The following KCNH6 variants were observed in gnomAD, a reference collection of about 807,000 sequenced individuals.
KCNH6 encodes the protein potassium voltage-gated channel subfamily H member 6, also known as voltage-gated inwardly rectifying potassium channel KCNH6.
A neutral mutation model predicts 83.4 loss-of-function variants in KCNH6; 81 were observed. The ratio of observed to expected loss-of-function variants is 0.97; its 90% CI spans 0.81 to 1.17. The LOEUF is 1.17. KCNH6 is among the 50% of genes most tolerant of loss of function. KCNH6 has a pLI of 0.00. For missense variants in KCNH6, 1,203 were observed against 1,290.5 expected (o/e 0.93, Z 1.04); for synonymous variants, 503 against 545.6 (o/e 0.92, Z 1.09).
downstream of KCNH6, among the ~76,000 whole-genome samples, chr17:63,548,308 T>C (rs1456572572): frequency 1.3e-5 from 2 of 152,010 alleles, 1 homozygote. Context: ...ATGCCTATAA[T>C]CCCAGCATTT....
chr17:63,523,374 A>G lies in KCNH6; in HGVS notation c.-40A>G. On this transcript the variant is annotated 5_prime_UTR_variant, in exon 1 of 13. Transcript: ENST00000314672. The surrounding 1 kb of genome is among the most constrained non-coding windows in gnomAD (Gnocchi z 4.2). ...AGGACAGACGGAGACGCCGGGAGCC[A>G]GTGGCGCCTGTGGCTCCGGGCAGGG... 1 of 1,554,190 alleles carries G rather than the reference A, an allele frequency of 6.4e-7. No individual in the cohort carries two copies. The highest frequency in any genetic ancestry group is 8.7e-7 in the Non-Finnish European group (1 of 1,151,998).
At position 63,533,826 on chromosome 17, in the gene KCNH6, A is replaced by G. The variant is rs2032278981; in HGVS notation, c.676-60A>G. ...CACCTTCCCCAGGCCTCAGCCCTCT[A>G]GGCCAGTCTCACCAGCAGTGGCTGC... is the stretch of plus-strand genomic sequence containing the variant. On this transcript the variant is annotated intron_variant, in intron 4 of 12. Coordinates refer to ENST00000314672, the MANE Select transcript of KCNH6 (RefSeq NM_001278919.2). The surrounding 1 kb of genome is among the most constrained non-coding windows in gnomAD (Gnocchi z 4.1). 1.3e-6 allele frequency: 2 copies of G among 1,524,520 alleles called. No individual in the cohort carries two copies. Among genetic ancestry groups the G allele is most frequent in the Non-Finnish European group, 1.8e-6 (2 of 1,120,946 alleles). 94.4% of individuals were successfully genotyped at this position (1,524,520 alleles called of 1,614,324 possible). A position where few individuals can be genotyped will look rare whatever the true frequency, so the allele number is the denominator to read the frequency against.
chr17:63,544,076 C>A, intron 10 of KCNH6, 173 bp from the exon 11 acceptor site: 1 of 1,608,638 alleles, frequency 6.2e-7, no homozygotes, highest in Non-Finnish European at 8.5e-7. Flanking sequence ...GTCCTGGGAG[C>A]CAGAACTCCA....
At chr17:63,542,170 A>G (rs2032898462) in intron 8 of KCNH6, 71 bp from the exon 9 acceptor site, 2 of 1,528,080 alleles carry the variant, frequency 1.3e-6, no homozygotes, top group African/African-American at 2.7e-5. Flanking sequence ...GGGGGAGGTC[A>G]CGGTCAAAGG....
chr17:63,544,059 C>A (rs143048027), intron 10 of KCNH6, 190 bp from the exon 11 acceptor site: 38,156 of 1,605,530 alleles, frequency 0.024, 598 homozygotes, highest in Non-Finnish European at 0.029. Context: ...GGGCTACAGC[C>A]TCCTGGGTCC....
Position 63,538,424 on chromosome 17 carries a change from C to A in KCNH6, c.1716C>A (p.Phe572Leu). The A allele has an allele frequency of 6.2e-7, 1 of 1,600,178 alleles. No homozygotes were observed. The highest frequency in any genetic ancestry group is 8.5e-7 in the Non-Finnish European group (1 of 1,174,394). Residue 572 changes from phenylalanine (F) to leucine (L), a missense_variant, in exon 8 of 13, where the codon TTC (phenylalanine) becomes TTA (leucine). By Grantham distance (22) the Phe-to-Leu change is conservative. Transcript: ENST00000314672. The surrounding 1 kb of genome is among the most constrained non-coding windows in gnomAD (Gnocchi z 4.0). ...CCGCCTTGCAGGTGCTGAAGGGCTTCCCCGAGTGCCTGCAGGCTGACATCT... is the reference window on the plus strand; with the variant it reads ...CCGCCTTGCAGGTGCTGAAGGGCTTACCCGAGTGCCTGCAGGCTGACATCT... ...GIDMNAVLKG[F>L]PECLQADICL...
intron 6 of KCNH6, among the ~76,000 whole-genome samples, chr17:63,536,415 G>T (rs1305184188): frequency 6.6e-6 from 1 of 152,202 alleles, no homozygotes; most frequent in Admixed American, 6.5e-5. Context: ...CACCAAGGTG[G>T]GTGGGTCACC....
chr17:63,538,568 G>A lies in KCNH6; in HGVS notation c.1860G>A (p.Thr620=). The A allele has an allele frequency of 6.2e-7, 1 of 1,612,900 alleles. No individual in the cohort carries two copies. The highest frequency in any genetic ancestry group is 8.5e-7 in the Non-Finnish European group (1 of 1,179,622). ...CCACCCACGCGCCGCCTGGGGACAC[G>A]CTGGTGCACCTCGGCGACGTGCTCT... The part of the protein sequence containing the change: ...FKTTHAPPGD[T]LVHLGDVLST... The change falls in exon 8 of 13, where the codon ACG becomes ACA. Residue 620 remains threonine, a synonymous_variant. Transcript: ENST00000314672. This position sits in a 1 kb window ranked among gnomAD's most constrained non-coding sequence, Gnocchi z 4.0.
chr17:63,529,559 G>A (rs2031942037), intron 2 of KCNH6, among the ~76,000 whole-genome samples: 1 of 152,188 alleles, frequency 6.6e-6, no homozygotes, highest in African/African-American at 2.4e-5. Context: ...TGCAGAATGG[G>A]GGTCCATGCC....
intron 8 of KCNH6, among the ~76,000 whole-genome samples, chr17:63,539,601 A>G (rs555309185): frequency 6.6e-6 from 1 of 152,182 alleles, no homozygotes; most frequent in African/African-American, 2.4e-5. Context: ...CATCCCCATC[A>G]CTGTGAAGCA....
Position 63,534,443 on chromosome 17 carries a change from G to A in KCNH6, c.1101+132G>A. ...ACCTTTGCTGAAGCACGTGGAGGTGGAGAGGAGGCCCCAAACATCTGTCAC... is the reference window on the plus strand; with the variant it reads ...ACCTTTGCTGAAGCACGTGGAGGTGAAGAGGAGGCCCCAAACATCTGTCAC... On this transcript the variant is annotated intron_variant, in intron 5 of 12. Coordinates refer to ENST00000314672, the MANE Select transcript of KCNH6 (RefSeq NM_001278919.2). This position sits in a 1 kb window ranked among gnomAD's most constrained non-coding sequence, Gnocchi z 5.0. 1.1e-6 allele frequency: 1 copy of A among 897,244 alleles called. No individual in the cohort carries two copies. Among genetic ancestry groups the A allele is most frequent in the South Asian group, 1.7e-5 (1 of 58,260 alleles). The allele number at this position is 897,244 out of a possible 1,614,324, so 55.6% of individuals were successfully genotyped here.
chr17:63,541,067 T>C (rs950697665), intron 8 of KCNH6, among the ~76,000 whole-genome samples: 2 of 152,162 alleles, frequency 1.3e-5, no homozygotes, highest in African/African-American at 4.8e-5. Context: ...CTACAGATCA[T>C]GCTGTAAACT....
intron 4 of KCNH6, among the ~76,000 whole-genome samples, chr17:63,532,152 C>G (rs1368877419): frequency 6.6e-6 from 1 of 152,126 alleles, no homozygotes; most frequent in Non-Finnish European, 1.5e-5. Context: ...CCCTGAGAAG[C>G]TGAGGAACTC....
In KCNH6 at chr17:63,544,307, G is replaced by A. The variant is rs772856955; in HGVS notation, c.2292G>A (p.Gln764=). The A allele has an allele frequency of 1.9e-6, 3 of 1,611,412 alleles. No individual in the cohort carries two copies. The highest frequency in any genetic ancestry group is 2.5e-6 in the Non-Finnish European group (3 of 1,178,868). ...DASGLWPELL[Q]EMPPRHSPQS... is the part of the protein sequence containing the mutation. ...CTGGCCTCTGGCCTGAGCTACTGCA[G>A]GAAATGCCCCCAAGGCACAGCCCCC... The change falls in exon 11 of 13, where the codon CAG becomes CAA. Residue 764 remains glutamine, a synonymous_variant. Transcript: ENST00000314672.
At position 63,535,793 on chromosome 17, in the gene KCNH6, C is replaced by T. The variant is rs941008639; in HGVS notation, c.1226C>T (p.Ala409Val). 9.9e-6 allele frequency: 16 copies of T among 1,614,124 alleles called. No individual in the cohort carries two copies. Among genetic ancestry groups the T allele is most frequent in the East Asian group, 2.2e-5 (1 of 44,898 alleles). The part of the protein sequence containing the change: ...AVLFLLMCTF[A>V]LIAHWLACIW... ...CTCTTCTTGCTCATGTGCACCTTCG[C>T]GCTCATAGCGCACTGGCTGGCCTGC... is the stretch of plus-strand genomic sequence containing the variant. Residue 409 changes from alanine to valine, a missense_variant, in exon 6 of 13, where the codon GCG becomes GTG. Transcript: ENST00000314672. The surrounding 1 kb of genome is among the most constrained non-coding windows in gnomAD (Gnocchi z 4.9).
At position 63,545,792 on chromosome 17, in the gene KCNH6, T is replaced by C. The variant is rs1568091728; in HGVS notation, c.2767T>C (p.Cys923Arg). 2 of 1,614,068 alleles carry C rather than the reference T, an allele frequency of 1.2e-6. No homozygotes were observed. The highest frequency in any genetic ancestry group is 1.7e-6 in the Non-Finnish European group (2 of 1,180,030). ...LHPLEVQGLI[C>R]GPCFSSLPEH... is the part of the protein sequence containing the mutation. ...TCCCCTGGAAGTACAAGGACTCATC[T>C]GTGGTCCCTGCTTCTCCTCCCTCCC... The change falls in exon 13 of 13, where the codon TGT becomes CGT. Residue 923 changes from cysteine (C) to arginine (R), a missense_variant. Coordinates refer to ENST00000314672, the MANE Select transcript of KCNH6 (RefSeq NM_001278919.2).
intron 10 of KCNH6, among the ~76,000 whole-genome samples, 166 bp downstream of exon 10, chr17:63,543,826 A>G (rs1267273115): frequency 2.0e-5 from 3 of 151,702 alleles, no homozygotes; most frequent in Non-Finnish European, 2.9e-5. Flanking sequence ...CTTCCTCCCC[A>G]GTCTCCCAGT....
At chr17:63,545,295 C>A in intron 12 of KCNH6, 31 bp downstream of exon 12, 1 of 1,606,176 alleles carries the variant, frequency 6.2e-7, no homozygotes, top group Non-Finnish European at 8.5e-7. Context: ...CAGGGGCTTA[C>A]CTGCGAGCAG....
At position 63,538,648 on chromosome 17, in the gene KCNH6, T is replaced by C; in HGVS notation, c.1940T>C (p.Val647Ala). The C allele has an allele frequency of 6.3e-7, 1 of 1,593,788 alleles. No individual in the cohort carries two copies. The highest frequency in any genetic ancestry group is 8.6e-7 in the Non-Finnish European group (1 of 1,167,556). ...GSIEILRDDV[V>A]VAILGKNDIF... Reference sequence around the variant, plus strand: ...ATCGAGATCCTGCGCGACGACGTGGTCGTGGCCATCCTAGGTGGGTCCGGC... The same window carrying C: ...ATCGAGATCCTGCGCGACGACGTGGCCGTGGCCATCCTAGGTGGGTCCGGC... The change falls in exon 8 of 13, where the codon GTC becomes GCC. Residue 647 changes from valine (V) to alanine (A), a missense_variant. Coordinates refer to ENST00000314672, the MANE Select transcript of KCNH6 (RefSeq NM_001278919.2). The surrounding 1 kb of genome is among the most constrained non-coding windows in gnomAD (Gnocchi z 4.0).
Sources: allele counts gnomAD v4.1 joint callset (sites outside exome capture counted in the v4.1 genomes callset), GRCh38; gene constraint gnomAD v4.1.1; non-coding constraint Gnocchi (gnomAD v3.1); transcripts MANE v1.5; gene names NCBI Gene and HGNC (gene_info 2026-07-23, HGNC 2026-07-21).